The following RRAS2 variants were observed in gnomAD, a reference collection of about 807,000 sequenced individuals.
The protein encoded by RRAS2 is ras-related protein R-Ras2.
RRAS2 carries 7 observed loss-of-function variants against 27.6 expected under a neutral mutation model. That is an observed-to-expected ratio of 0.25 (90% confidence interval 0.14 to 0.48). The LOEUF (loss-of-function observed/expected upper bound fraction) is 0.48. Among genes scored for constraint, RRAS2 ranks in the 20% least tolerant of loss-of-function variants. RRAS2 has a pLI of 0.99. For synonymous variants in RRAS2, 86 were observed against 90.9 expected, an observed-to-expected ratio of 0.95 and a Z score of 0.31; for missense variants, 178 against 256.2, an observed-to-expected ratio of 0.69 and a Z score of 2.08.
intron 1 of RRAS2, chr11:14,364,376 G>C: frequency 6.5e-7 from 1 of 1,535,908 alleles, no homozygotes; most frequent in Non-Finnish European, 8.7e-7. Context: ...CCAGATCAGA[G>C]CCTGCAATAC....
chr11:14,323,150 C>G (rs1322842143), intron 1 of RRAS2, among the ~76,000 whole-genome samples: 1 of 151,864 alleles, frequency 6.6e-6, no homozygotes, highest in Non-Finnish European at 1.5e-5. Flanking sequence ...AAAATTGATT[C>G]AAGAATAATT....
rs1202465814 is a variant in RRAS2 at position 14,326,773 on chromosome 11, G to C, written c.109-30918C>G. On this transcript the variant is annotated intron_variant, in intron 1 of 5. Transcript: ENST00000256196. ...AACATTTCAATCCTATTAAGAATATGATTTTGGCCGGGCGCGGTGGCTCAC... is the reference window on the plus strand; with the variant it reads ...AACATTTCAATCCTATTAAGAATATCATTTTGGCCGGGCGCGGTGGCTCAC... Among the ~76,000 whole-genome samples, 18 of 76,146 alleles carry C rather than the reference G, an allele frequency of 2.4e-4. 4 individuals are homozygous for C. Among genetic ancestry groups the C allele is most frequent in the Admixed American group, 1.2e-3 (8 of 6,750 alleles). 50.0% of individuals were successfully genotyped at this position (76,146 alleles called of 152,430 possible).
intron 1 of RRAS2, among the ~76,000 whole-genome samples, chr11:14,308,593 TATC>T (rs1255813075): frequency 2.0e-5 from 3 of 152,196 alleles, no homozygotes; most frequent in African/African-American, 7.2e-5. Flanking sequence ...TACAGCAAAA[TATC>T]ATATTTTAAA....
chr11:14,351,441 A>G (rs1384776054), intron 1 of RRAS2, among the ~76,000 whole-genome samples: 1 of 152,112 alleles, frequency 6.6e-6, no homozygotes, highest in African/African-American at 2.4e-5. Context: ...ATGAAAGCAA[A>G]TGCAGCCAGG....
At chr11:14,320,200 G>C (rs1380708359) in intron 1 of RRAS2, among the ~76,000 whole-genome samples, 1 of 152,180 alleles carries the variant, frequency 6.6e-6, no homozygotes, top group Middle Eastern at 3.2e-3. Context: ...CTAATGCACG[G>C]TGCTGATTTT....
intron 1 of RRAS2, among the ~76,000 whole-genome samples, chr11:14,330,892 A>G (rs1438346148): frequency 6.6e-6 from 1 of 152,190 alleles, no homozygotes; most frequent in Non-Finnish European, 1.5e-5. Context: ...AACTATAGTT[A>G]ATAACAGTGG....
chr11:14,287,424 A>C (rs1450913046), intron 4 of RRAS2, among the ~76,000 whole-genome samples: 1 of 152,212 alleles, frequency 6.6e-6, no homozygotes, highest in African/African-American at 2.4e-5. Flanking sequence ...TGTTGGGGTA[A>C]ATATGATTGG....
At position 14,339,101 on chromosome 11, in the gene RRAS2, A is replaced by T. The variant is rs1397238238; in HGVS notation, c.108+19662T>A. ...ACAGGCCAATTTTAGCTGGCACAAT[A>T]AGGAAGTCCCATCTGCTTTAACCTT... On this transcript the variant is annotated intron_variant, in intron 1 of 5. Coordinates refer to ENST00000256196, the MANE Select transcript of RRAS2 (RefSeq NM_012250.6). Among the ~76,000 whole-genome samples the T allele has an allele frequency of 1.8e-4, 27 of 152,086 alleles. 1 individual carries two copies. The highest frequency in any genetic ancestry group is 1.5e-3 in the Admixed American group (23 of 15,280).
At chr11:14,291,705 C>T (rs909952371) in intron 4 of RRAS2, among the ~76,000 whole-genome samples, 5 of 151,842 alleles carry the variant, frequency 3.3e-5, no homozygotes, top group Admixed American at 6.6e-5. Flanking sequence ...AAAACTTCCA[C>T]GAAAAAAATT....
At chr11:14,293,027 GA>G (rs1847444706) in intron 4 of RRAS2, among the ~76,000 whole-genome samples, 1 of 150,670 alleles carries the variant, frequency 6.6e-6, no homozygotes, top group South Asian at 2.1e-4. Context: ...AGAATGGCGT[GA>G]ACCCGGGAGG....
chr11:14,293,137 A>ATG (rs1554946051), intron 4 of RRAS2, among the ~76,000 whole-genome samples: 7 of 120,834 alleles, frequency 5.8e-5, no homozygotes, highest in African/African-American at 2.6e-4. Context: ...ATATATATAT[A>ATG]TATATATATA....
At chr11:14,359,259 C>T (rs1415428995), upstream of RRAS2, 1 of 770,324 alleles carries the variant, frequency 1.3e-6, no homozygotes, top group Non-Finnish European at 1.6e-6. Context: ...CCGCTTGGGG[C>T]TGAGGTTCGG....
At chr11:14,303,687 C>A (rs1248744542) in intron 1 of RRAS2, among the ~76,000 whole-genome samples, 1 of 152,190 alleles carries the variant, frequency 6.6e-6, no homozygotes, top group Admixed American at 6.5e-5. Flanking sequence ...TCTCCCCTTC[C>A]TTGGTGGAGC....
intron 1 of RRAS2, among the ~76,000 whole-genome samples, chr11:14,326,083 G>C (rs999842899): frequency 1.3e-5 from 2 of 152,150 alleles, no homozygotes; most frequent in African/African-American, 2.4e-5. Context: ...ACCCCTTTGA[G>C]AGAACTTGGT....
exon 1 of RRAS2, chr11:14,364,431 G>T (rs782339236): frequency 2.0e-6 from 3 of 1,534,230 alleles, no homozygotes; most frequent in South Asian, 2.4e-5. Context: ...TTTCCTTAAT[G>T]GGCCATTGCT....
intron 4 of RRAS2, among the ~76,000 whole-genome samples, chr11:14,293,124 A>AGTATAT (rs1376616443): frequency 1.3e-5 from 1 of 76,822 alleles, no homozygotes. Context: ...AAACAAAACA[A>AGTATAT]ATATATATAT....
At chr11:14,304,328 A>G (rs1223271512) in intron 1 of RRAS2, among the ~76,000 whole-genome samples, 1 of 152,182 alleles carries the variant, frequency 6.6e-6, no homozygotes, top group Non-Finnish European at 1.5e-5. Flanking sequence ...CATACAACAT[A>G]CTAATAGCTC....
At chr11:14,293,249 TAGAA>T (rs1335182403) in intron 4 of RRAS2, among the ~76,000 whole-genome samples, 1 of 147,284 alleles carries the variant, frequency 6.8e-6, no homozygotes, top group Admixed American at 6.9e-5. Flanking sequence ...AGTTACAAAA[TAGAA>T]AGCTGCCCTC....
intron 4 of RRAS2, among the ~76,000 whole-genome samples, chr11:14,287,638 G>A (rs892026035): frequency 6.6e-6 from 1 of 152,028 alleles, no homozygotes; most frequent in African/African-American, 2.4e-5. Context: ...TTGGGAGGCC[G>A]AGGTGGGTGG....
Sources: allele counts gnomAD v4.1 joint callset (sites outside exome capture counted in the v4.1 genomes callset), GRCh38; gene constraint gnomAD v4.1.1; transcripts MANE v1.5; gene names NCBI Gene and HGNC (gene_info 2026-07-23, HGNC 2026-07-21).